The following PDZD2 variants were observed in gnomAD, a reference collection of about 807,000 sequenced individuals.
PDZD2 encodes PDZ domain-containing protein 2.
In PDZD2, 90 loss-of-function variants were observed where a neutral mutation model predicts 220.7. The observed-to-expected ratio is 0.41, with a 90% CI of 0.34 to 0.49. PDZD2 has a LOEUF of 0.49. Ranked by LOEUF, PDZD2 falls within the 20% of genes least tolerant of loss-of-function variation. PDZD2 has a pLI of 0.28. For missense variants in PDZD2, 3,174 were observed against 3,608.5 expected (o/e 0.88, Z 3.08); for synonymous variants, 1,375 against 1,450.5 (o/e 0.95, Z 1.18).
chr5:31,967,530 T>G (rs951783215), intron 2 of PDZD2, among the ~76,000 whole-genome samples: 1 of 152,116 alleles, frequency 6.6e-6, no homozygotes, highest in African/African-American at 2.4e-5. Context: ...AGCCCTTAGA[T>G]CATCTTTGAC....
Position 32,088,326 on chromosome 5 carries a change from C to G in PDZD2, c.4878C>G (p.Ala1626=). 2 of 1,614,118 alleles carry G rather than the reference C, an allele frequency of 1.2e-6. No individual in the cohort carries two copies. The highest frequency in any genetic ancestry group is 1.7e-6 in the Non-Finnish European group (2 of 1,180,022). The change falls in exon 20 of 25, where the codon GCC becomes GCG. Residue 1626 remains alanine (A), a synonymous_variant. Coordinates refer to ENST00000438447, the MANE Select transcript of PDZD2 (RefSeq NM_178140.4). The surrounding 1 kb of genome is among the most constrained non-coding windows in gnomAD (Gnocchi z 4.6). The part of the protein sequence containing the change: ...HLPTQAAICP[A]SAKVLSLKYS... ...CCACCCAGGCTGCCATCTGTCCTGC[C>G]TCAGCCAAAGTTCTGTCATTAAAAT...
chr5:31,920,538 G>C (rs938243411), intron 2 of PDZD2, among the ~76,000 whole-genome samples: 2 of 149,732 alleles, frequency 1.3e-5, no homozygotes, highest in Non-Finnish European at 3.0e-5. Flanking sequence ...CAGGCACTCT[G>C]GCTTACACCT....
At chr5:31,781,261 A>T (rs1753047564) in intron 1 of PDZD2, among the ~76,000 whole-genome samples, 1 of 152,168 alleles carries the variant, frequency 6.6e-6, no homozygotes, top group Admixed American at 6.5e-5. Flanking sequence ...TAAAAATACA[A>T]AAATTAGCTG....
chr5:32,087,120 T>C lies in PDZD2; in HGVS notation c.3683-11T>C. ...CTGTGTATGTACCTTCTGTTTACGT[T>C]CCCCACGTAGAACTGGACAGCTCCT... is the stretch of plus-strand genomic sequence containing the variant. On this transcript the variant is annotated splice_polypyrimidine_tract_variant and intron_variant, in intron 19 of 24. Transcript: ENST00000438447. This position sits in a 1 kb window ranked among gnomAD's most constrained non-coding sequence, Gnocchi z 4.0. 6.5e-7 allele frequency: 1 copy of C among 1,548,442 alleles called. No homozygotes were observed.
intron 2 of PDZD2, among the ~76,000 whole-genome samples, chr5:31,964,040 A>T (rs1460047879): frequency 6.6e-6 from 1 of 152,124 alleles, no homozygotes; most frequent in African/African-American, 2.4e-5. Flanking sequence ...GTTCATGTGA[A>T]CTTGATTTTT....
intron 2 of PDZD2, among the ~76,000 whole-genome samples, chr5:31,946,481 C>A (rs953497212): frequency 6.6e-6 from 1 of 152,108 alleles, no homozygotes; most frequent in Non-Finnish European, 1.5e-5. Context: ...GTAAAACATT[C>A]CTTGGGAATA....
chr5:32,108,240 G>C lies in PDZD2; in HGVS notation c.*105G>C. On this transcript the variant is annotated 3_prime_UTR_variant, in exon 25 of 25. Transcript: ENST00000438447. Reference sequence around the variant, plus strand: ...AATGGCCAACACTGGTACAGACACGGACTATAAAAATCTCCAAGCTTGTGC... The same window carrying C: ...AATGGCCAACACTGGTACAGACACGCACTATAAAAATCTCCAAGCTTGTGC... 7.4e-6 allele frequency: 5 copies of C among 675,918 alleles called. No homozygotes were observed. The highest frequency in any genetic ancestry group is 3.1e-5 in the Admixed American group (1 of 32,028). The allele number at this position is 675,918 out of a possible 1,614,324, so 41.9% of individuals were successfully genotyped here.
intron 2 of PDZD2, among the ~76,000 whole-genome samples, chr5:31,907,267 C>G (rs956514914): frequency 1.3e-5 from 2 of 152,214 alleles, no homozygotes; most frequent in Non-Finnish European, 2.9e-5. Context: ...GGTGAGGGCT[C>G]TCTTCCTGGG....
At chr5:31,748,486 C>G (rs1348352497) in intron 1 of PDZD2, among the ~76,000 whole-genome samples, 1 of 152,136 alleles carries the variant, frequency 6.6e-6, no homozygotes, top group East Asian at 1.9e-4. Flanking sequence ...TCCAACAGCC[C>G]AAACCCAAGC....
intron 2 of PDZD2, among the ~76,000 whole-genome samples, chr5:31,907,732 C>G (rs778553220): frequency 4.6e-5 from 7 of 152,144 alleles, no homozygotes; most frequent in South Asian, 2.1e-4. Flanking sequence ...CCCCACCCCC[C>G]ACTCCCAGTT....
chr5:31,807,341 G>A (rs1402610690), intron 2 of PDZD2, among the ~76,000 whole-genome samples: 1 of 152,200 alleles, frequency 6.6e-6, no homozygotes, highest in Non-Finnish European at 1.5e-5. Flanking sequence ...TGTGATGGGG[G>A]CAGGTGACCT....
At chr5:31,775,549 G>A (rs889250385) in intron 1 of PDZD2, among the ~76,000 whole-genome samples, 4 of 152,076 alleles carry the variant, frequency 2.6e-5, no homozygotes, top group Middle Eastern at 3.2e-3. Context: ...TGAGAGTAGG[G>A]CTGCAACTGT....
chr5:31,968,571 T>G (rs901888678), intron 2 of PDZD2, among the ~76,000 whole-genome samples: 6 of 151,900 alleles, frequency 3.9e-5, no homozygotes, highest in Admixed American at 6.6e-5. Flanking sequence ...GAAAATTGCT[T>G]GAACCCAGGA....
intron 19 of PDZD2, among the ~76,000 whole-genome samples, chr5:32,080,276 A>T (rs917975298): frequency 7.4e-6 from 1 of 135,876 alleles, no homozygotes; most frequent in African/African-American, 2.8e-5. Flanking sequence ...TGAACCCGGG[A>T]GGTGGAGCTT....
At chr5:31,671,822 A>G (rs182660194) in intron 1 of PDZD2, among the ~76,000 whole-genome samples, 4 of 152,320 alleles carry the variant, frequency 2.6e-5, no homozygotes, top group Admixed American at 2.0e-4. Context: ...CTGAGTCTGT[A>G]GTTATGCGGT....
intron 1 of PDZD2, chr5:31,742,304 G>A (rs1050286292): frequency 6.6e-6 from 1 of 152,064 alleles, no homozygotes; most frequent in African/African-American, 2.4e-5. Context: ...AGCTTGATGT[G>A]GATGGTTTTG....
intron 2 of PDZD2, among the ~76,000 whole-genome samples, chr5:31,903,668 GAAAA>G (rs1316851284): frequency 9.9e-5 from 14 of 141,598 alleles, no homozygotes; most frequent in Admixed American, 4.3e-4. Context: ...AAAAAAGAAA[GAAAA>G]AAGAAAAAGA....
chr5:32,062,254 T>C (rs1278436825), intron 14 of PDZD2, among the ~76,000 whole-genome samples: 2 of 152,218 alleles, frequency 1.3e-5, no homozygotes, highest in Non-Finnish European at 2.9e-5. Context: ...TGTTACTTTG[T>C]AGATTTTGCT....
At chr5:31,723,658 C>T (rs1306496313) in intron 1 of PDZD2, among the ~76,000 whole-genome samples, 1 of 152,078 alleles carries the variant, frequency 6.6e-6, no homozygotes, top group Non-Finnish European at 1.5e-5. Flanking sequence ...GCTCTTGTCA[C>T]CCAGGCTGGA....
Sources: gnomAD v4.1 joint callset for allele counts (sites outside exome capture counted in the v4.1 genomes callset) on GRCh38, gnomAD v4.1.1 for gene constraint, Gnocchi (gnomAD v3.1) non-coding constraint, MANE v1.5 for transcripts, NCBI Gene and HGNC (gene_info 2026-07-23, HGNC 2026-07-21) for gene names.